PLPPR5: variants seen among roughly 807,000 people sequenced by gnomAD.
The protein encoded by PLPPR5 is phospholipid phosphatase related 5, also known as phospholipid phosphatase-related protein type 5.
Under a neutral mutation model 33.9 loss-of-function variants are expected in PLPPR5, and 16 were observed. The observed-to-expected ratio is 0.47, with a 90% CI of 0.32 to 0.72. The LOEUF (loss-of-function observed/expected upper bound fraction) is 0.72. Among genes scored for constraint, PLPPR5 ranks in the 30% least tolerant of loss-of-function variants. The probability of loss-of-function intolerance (pLI) is 0.03; values close to 1 mark genes in which losing one functional copy is unlikely to be tolerated. For missense variants in PLPPR5, 301 were observed against 406.7 expected (o/e 0.74, Z 2.23); for synonymous variants, 163 against 150.3 (o/e 1.08, Z -0.62).
intron 4 of PLPPR5, among the ~76,000 whole-genome samples, chr1:98,918,953 G>T (rs1419343012): frequency 1.3e-5 from 2 of 152,138 alleles, no homozygotes; most frequent in East Asian, 1.9e-4. Context: ...CAAAGAAAAA[G>T]ACTTCACAGG....
At chr1:98,922,414 C>G (rs1649597127) in intron 3 of PLPPR5, among the ~76,000 whole-genome samples, 1 of 151,998 alleles carries the variant, frequency 6.6e-6, no homozygotes, top group African/African-American at 2.4e-5. Context: ...AGATCAACCT[C>G]AACAATATTA....
intron 2 of PLPPR5, among the ~76,000 whole-genome samples, chr1:98,955,139 A>G (rs1338980410): frequency 6.6e-6 from 1 of 152,114 alleles, no homozygotes; most frequent in African/African-American, 2.4e-5. Context: ...GTACTATTAT[A>G]CAGTGATGCT....
chr1:98,947,871 T>G (rs1650614842), intron 3 of PLPPR5, among the ~76,000 whole-genome samples: 1 of 152,266 alleles, frequency 6.6e-6, no homozygotes, highest in South Asian at 2.1e-4. Context: ...ATATTTTTGA[T>G]GTATTACATA....
upstream of PLPPR5, chr1:99,004,868 G>A (rs1488974589): frequency 5.8e-5 from 14 of 242,702 alleles, no homozygotes; most frequent in Non-Finnish European, 7.7e-6. Context: ...GGCTGCAGAG[G>A]AGGCGGCTAC....
At chr1:98,934,031 A>T (rs1293075501) in intron 3 of PLPPR5, among the ~76,000 whole-genome samples, 1 of 152,188 alleles carries the variant, frequency 6.6e-6, no homozygotes, top group Non-Finnish European at 1.5e-5. Flanking sequence ...GCACCAGGGG[A>T]GGAAGACAAC....
intron 3 of PLPPR5, among the ~76,000 whole-genome samples, chr1:98,931,571 C>T (rs918626489): frequency 6.6e-6 from 1 of 152,078 alleles, no homozygotes; most frequent in African/African-American, 2.4e-5. Context: ...TCTCCCTCAG[C>T]CTTGGGGAGG....
At position 98,890,822 on chromosome 1, in the gene PLPPR5, T is replaced by C. The variant is rs1011237473; in HGVS notation, c.*2250A>G. ...CAATCTTGAGCCTATGATGTGTAAA[T>C]AGTAGAGGTGACTTTACTCTGGTTC... On this transcript the variant is annotated 3_prime_UTR_variant, in exon 6 of 6. Coordinates refer to ENST00000263177, the MANE Select transcript of PLPPR5 (RefSeq NM_001037317.2). 6.6e-6 allele frequency: 1 copy of C among 152,550 alleles called. No homozygotes were observed. Among genetic ancestry groups the C allele is most frequent in the Non-Finnish European group, 1.5e-5 (1 of 68,020 alleles). 9.4% of individuals were successfully genotyped at this position (152,550 alleles called of 1,614,324 possible).
chr1:98,977,471 T>C (rs1176779486), intron 1 of PLPPR5, among the ~76,000 whole-genome samples: 1 of 150,772 alleles, frequency 6.6e-6, no homozygotes, highest in East Asian at 1.9e-4. Flanking sequence ...TCTATGAATG[T>C]ATGCTAATAT....
chr1:98,947,624 T>C (rs1161288268), intron 3 of PLPPR5, among the ~76,000 whole-genome samples: 1 of 152,206 alleles, frequency 6.6e-6, no homozygotes, highest in Non-Finnish European at 1.5e-5. Context: ...AACACGCAGT[T>C]CATGGAGTAG....
At chr1:98,944,247 C>T (rs1042561557) in intron 3 of PLPPR5, among the ~76,000 whole-genome samples, 1 of 152,212 alleles carries the variant, frequency 6.6e-6, no homozygotes, top group African/African-American at 2.4e-5. Flanking sequence ...TACTGCATCT[C>T]GTACCCCTAC....
chr1:98,908,323 A>G (rs1253100014), intron 5 of PLPPR5, among the ~76,000 whole-genome samples: 2 of 152,170 alleles, frequency 1.3e-5, no homozygotes, highest in Non-Finnish European at 2.9e-5. Flanking sequence ...TGCCAAAAAA[A>G]ATTTACTGTA....
At chr1:98,945,665 C>G (rs1026827885) in intron 3 of PLPPR5, among the ~76,000 whole-genome samples, 15 of 152,166 alleles carry the variant, frequency 9.9e-5, no homozygotes, top group Non-Finnish European at 1.6e-4. Context: ...TCATTTCAGC[C>G]ACTCTAAAGA....
In PLPPR5 at chr1:99,004,808, A is replaced by G. The variant is rs914380421; in HGVS notation, c.-137T>C. 20 of 396,944 alleles carry G rather than the reference A, an allele frequency of 5.0e-5. No homozygotes were observed. In the Admixed American group the frequency reaches 7.7e-4, roughly 15 times the overall value. 24.6% of individuals were successfully genotyped at this position (396,944 alleles called of 1,614,324 possible). A position where few individuals can be genotyped will look rare whatever the true frequency, so the allele number is the denominator to read the frequency against. On this transcript the variant is annotated 5_prime_UTR_variant, in exon 1 of 6. Coordinates refer to ENST00000263177, the MANE Select transcript of PLPPR5 (RefSeq NM_001037317.2). ...GGACGAGGCACGGGAGGCGGGATGG[A>G]GCCGCTGGAGGAAGAGGCGGAGGCA...
At chr1:99,000,136 T>A (rs996856911) in intron 1 of PLPPR5, among the ~76,000 whole-genome samples, 8 of 152,178 alleles carry the variant, frequency 5.3e-5, no homozygotes, top group African/African-American at 1.9e-4. Context: ...ACAAGCAATG[T>A]CCAGTGCTCT....
intron 3 of PLPPR5, among the ~76,000 whole-genome samples, chr1:98,935,185 G>A (rs1421115705): frequency 6.6e-6 from 1 of 152,194 alleles, no homozygotes; most frequent in Non-Finnish European, 1.5e-5. Flanking sequence ...AGTGACAGCA[G>A]AGCATTAAGC....
chr1:98,916,275 C>T (rs990888691), intron 4 of PLPPR5, among the ~76,000 whole-genome samples: 2 of 152,290 alleles, frequency 1.3e-5, no homozygotes, highest in East Asian at 3.9e-4. Context: ...CCCAGAAGAA[C>T]TACAGATTAG....
intron 2 of PLPPR5, among the ~76,000 whole-genome samples, chr1:98,955,351 A>C (rs1231769690): frequency 6.6e-6 from 1 of 152,138 alleles, no homozygotes; most frequent in Non-Finnish European, 1.5e-5. Flanking sequence ...GTACAATGTA[A>C]TTTGCTTAAC....
At chr1:98,980,890 T>A (rs914853567) in intron 1 of PLPPR5, among the ~76,000 whole-genome samples, 1 of 152,086 alleles carries the variant, frequency 6.6e-6, no homozygotes, top group African/African-American at 2.4e-5. Context: ...TATTTATCTT[T>A]TAGCATTGTC....
chr1:98,967,376 G>T (rs1006584986), intron 1 of PLPPR5, among the ~76,000 whole-genome samples: 2 of 152,072 alleles, frequency 1.3e-5, no homozygotes, highest in Non-Finnish European at 2.9e-5. Context: ...GGCCATCAAA[G>T]AAACTTACAA....
Sources: gnomAD v4.1 joint callset for allele counts (sites outside exome capture counted in the v4.1 genomes callset) on GRCh38, gnomAD v4.1.1 for gene constraint, MANE v1.5 for transcripts, NCBI Gene and HGNC (gene_info 2026-07-23, HGNC 2026-07-21) for gene names.